AXIN1: variants seen among roughly 807,000 people sequenced by gnomAD.
AXIN1 encodes the protein axin-1.
AXIN1 carries 30 observed loss-of-function variants against 76.4 expected under a neutral mutation model. That is an observed-to-expected ratio of 0.39 (90% confidence interval 0.29 to 0.53). AXIN1 has a LOEUF of 0.53. Ranked by LOEUF, AXIN1 falls within the 20% of genes least tolerant of loss-of-function variation. AXIN1 has a pLI of 0.66. For missense variants in AXIN1, 1,140 were observed against 1,198.8 expected, an observed-to-expected ratio of 0.95 and a Z score of 0.72; for synonymous variants, 545 against 501.4, an observed-to-expected ratio of 1.09 and a Z score of -1.16.
chr16:291,019 AGGCTCTCG>A, intron 9 of AXIN1, 163 bp downstream of exon 9: 2 of 685,864 alleles, frequency 2.9e-6, no homozygotes, highest in Non-Finnish European at 5.3e-6. Context: ...AGACAGGAGA[AGGCTCTCG>A]GGCAGCTTCG....
At chr16:306,251 C>G (rs2053022537) in intron 4 of AXIN1, among the ~76,000 whole-genome samples, 1 of 152,148 alleles carries the variant, frequency 6.6e-6, no homozygotes, top group African/African-American at 2.4e-5. Flanking sequence ...CGCTCTCATA[C>G]CTAACCACAG....
Position 346,245 on chromosome 16 carries a change from C to A in AXIN1, c.781G>T (p.Ala261Ser), listed in dbSNP as rs2054031830. ...QDMDEDDGRDAAPPGRLPQKL... is the reference protein window; with the variant it reads ...QDMDEDDGRDSAPPGRLPQKL... ...TGAGGGAGTCTTCCGGGGGGAGCAG[C>A]GTCTCTGCCATCGTCCTCATCCATG... The change falls in exon 2 of 11, where the codon GCT (alanine) becomes TCT (serine). Residue 261 changes from alanine (A) to serine (S), a missense_variant. Physicochemically the swap from Ala to Ser is moderately conservative, Grantham distance 99 (BLOSUM62 1). This residue lies in a region of AXIN1 where 708 missense variants were observed against 776.9 expected (regional missense o/e 0.91). Coordinates refer to ENST00000262320, the MANE Select transcript of AXIN1 (RefSeq NM_003502.4). 3.7e-6 allele frequency: 6 copies of A among 1,614,168 alleles called. No individual in the cohort carries two copies. Among genetic ancestry groups the A allele is most frequent in the Non-Finnish European group, 5.1e-6 (6 of 1,180,042 alleles).
intron 9 of AXIN1, chr16:290,909 T>C: frequency 1.9e-6 from 1 of 523,646 alleles, no homozygotes; most frequent in South Asian, 2.0e-5. Context: ...AGCCTGGCCG[T>C]GACACCTGTG....
chr16:330,488 C>T (rs1349344470), intron 2 of AXIN1, among the ~76,000 whole-genome samples: 4 of 152,208 alleles, frequency 2.6e-5, no homozygotes, highest in Admixed American at 2.0e-4. Context: ...TAATGAGACT[C>T]ACTAGTTAGT....
Position 288,079 on chromosome 16 carries a change from C to G in AXIN1, c.*43G>C. On this transcript the variant is annotated 3_prime_UTR_variant, in exon 11 of 11. Coordinates refer to ENST00000262320, the MANE Select transcript of AXIN1 (RefSeq NM_003502.4). ...TCTGCCTGGCCGTGACACCCGTGCCCGCCAAGGGCCTCGCCTGGCACAGCG... is the reference window on the plus strand; with the variant it reads ...TCTGCCTGGCCGTGACACCCGTGCCGGCCAAGGGCCTCGCCTGGCACAGCG... The G allele has an allele frequency of 6.2e-7, 1 of 1,612,416 alleles. No individual in the cohort carries two copies. Among genetic ancestry groups the G allele is most frequent in the African/African-American group, 1.3e-5 (1 of 75,060 alleles).
chr16:345,759 T>C (rs2054021109), intron 2 of AXIN1, among the ~76,000 whole-genome samples: 1 of 151,312 alleles, frequency 6.6e-6, no homozygotes, highest in Non-Finnish European at 1.5e-5. Flanking sequence ...TTCTTATCGA[T>C]GCCCTGAAAC....
chr16:347,624 C>A (rs746534101), intron 1 of AXIN1, among the ~76,000 whole-genome samples: 1 of 152,242 alleles, frequency 6.6e-6, no homozygotes, highest in South Asian at 2.1e-4. Flanking sequence ...CTGAACCCCA[C>A]GTCCTCCAGG....
chr16:334,941 T>C (rs1175915803), intron 2 of AXIN1, among the ~76,000 whole-genome samples: 1 of 152,068 alleles, frequency 6.6e-6, no homozygotes, highest in Non-Finnish European at 1.5e-5. Flanking sequence ...TAGAAAATCT[T>C]TATTTTTATG....
intron 2 of AXIN1, 55 bp downstream of exon 2, chr16:346,092 TG>T (rs1336464900): frequency 6.3e-7 from 1 of 1,574,886 alleles, no homozygotes; most frequent in African/African-American, 1.4e-5. Context: ...TTCCCTGGCT[TG>T]TTCTCCAGCT....
chr16:323,548 G>C (rs955758464), intron 2 of AXIN1, among the ~76,000 whole-genome samples: 1 of 151,654 alleles, frequency 6.6e-6, no homozygotes, highest in African/African-American at 2.4e-5. Flanking sequence ...TTGGGAGGCC[G>C]AGGCGGGTGG....
rs371077688 is a variant in AXIN1 at position 310,633 on chromosome 16, G to A, written c.1020-564C>T. On this transcript the variant is annotated intron_variant, in intron 3 of 10. Coordinates refer to ENST00000262320, the MANE Select transcript of AXIN1 (RefSeq NM_003502.4). ...AGGAGAGTCTCGATCTCCTGACCTC[G>A]TGATCCGCCCGCCTCGGCCTCGCAA... Among the ~76,000 whole-genome samples, 82 of 152,330 alleles carry A rather than the reference G, an allele frequency of 5.4e-4. No individual in the cohort carries two copies. The South Asian group carries it at 6.4e-3, about 12-fold the overall frequency.
chr16:325,431 G>A (rs1239335715), intron 2 of AXIN1, among the ~76,000 whole-genome samples: 4 of 152,186 alleles, frequency 2.6e-5, no homozygotes, highest in South Asian at 2.1e-4. Context: ...GATGCACCAC[G>A]GTGTTTTTCT....
rs757652629 is a variant in AXIN1 at position 304,355 on chromosome 16, G to A, written c.1203C>T (p.Arg401=). Residue 401 remains arginine (R), a synonymous_variant, in exon 5 of 11, where the codon CGC becomes CGT. Transcript: ENST00000262320. Reference sequence around the variant, plus strand: ...CCAGCTTCTCCTCGGCCTCCCGCGTGCGCTGCACAGCCTCCAGGCGGTGGA... The same window carrying A: ...CCAGCTTCTCCTCGGCCTCCCGCGTACGCTGCACAGCCTCCAGGCGGTGGA... ...ELIHRLEAVQ[R]TREAEEKLEE... The A allele has an allele frequency of 3.1e-6, 5 of 1,612,454 alleles. No individual in the cohort carries two copies. Among genetic ancestry groups the A allele is most frequent in the South Asian group, 1.1e-5 (1 of 91,084 alleles).
rs1567272099 is a variant in AXIN1, at chr16:304,457, C to T, written c.1117-16G>A. 2 of 1,612,610 alleles carry T rather than the reference C, an allele frequency of 1.2e-6. No homozygotes were observed. Among genetic ancestry groups the T allele is most frequent in the East Asian group, 4.5e-5 (2 of 44,880 alleles). On this transcript the variant is annotated splice_polypyrimidine_tract_variant and intron_variant, in intron 4 of 10. Coordinates refer to ENST00000262320, the MANE Select transcript of AXIN1 (RefSeq NM_003502.4). ...GGTACGTGCGCTGCGAGGGACAGGACTGTGAGGCACGGGGGTTGAAAGGTC... is the reference window on the plus strand; with the variant it reads ...GGTACGTGCGCTGCGAGGGACAGGATTGTGAGGCACGGGGGTTGAAAGGTC...
chr16:320,947 T>C (rs452972), intron 2 of AXIN1, among the ~76,000 whole-genome samples: 33,896 of 151,498 alleles, frequency 0.22, 5,418 homozygotes, highest in East Asian at 0.86. Flanking sequence ...GCCGTGTTGG[T>C]CAGGCTGGTC....
chr16:311,379 A>C (rs1277050899), intron 3 of AXIN1, among the ~76,000 whole-genome samples: 1 of 152,132 alleles, frequency 6.6e-6, no homozygotes, highest in African/African-American at 2.4e-5. Context: ...AAAACACGAA[A>C]GTCAGATTAT....
rs867383389 is a variant in AXIN1, at chr16:297,926, G to A, written c.1580C>T (p.Ala527Val). 6.3e-7 allele frequency: 1 copy of A among 1,599,226 alleles called. No individual in the cohort carries two copies. ...GACGTGTCGGTGGTGGTGCAGGCCG[G>A]CCGCGTCCAGCTTCGCCCCTGACTT... ...VPKSGAKLDA[A>V]GLHHHRHVHH... Residue 527 changes from alanine (A) to valine (V), a missense_variant, in exon 6 of 11, where the codon GCC becomes GTC. This residue lies in a region of AXIN1 where 708 missense variants were observed against 776.9 expected (regional missense o/e 0.91). Transcript: ENST00000262320.
At chr16:310,793 C>T (rs1169214547) in intron 3 of AXIN1, among the ~76,000 whole-genome samples, 4 of 152,266 alleles carry the variant, frequency 2.6e-5, no homozygotes, top group African/African-American at 4.8e-5. Context: ...CAGCCCTGCA[C>T]GGGAAACGTT....
At chr16:325,177 G>A (rs1033716690) in intron 2 of AXIN1, among the ~76,000 whole-genome samples, 7 of 151,936 alleles carry the variant, frequency 4.6e-5, no homozygotes, top group Non-Finnish European at 1.0e-4. Context: ...GGAAACCATC[G>A]CCTCAGCCCA....
Sources: gnomAD v4.1 joint callset for allele counts (sites outside exome capture counted in the v4.1 genomes callset) on GRCh38, gnomAD v4.1.1 for gene constraint, gnomAD v4.1.1 regional missense constraint, MANE v1.5 for transcripts, NCBI Gene and HGNC (gene_info 2026-07-23, HGNC 2026-07-21) for gene names.